Variants in SLCO1B3 observed in about 807,000 individuals in gnomAD.
SLCO1B3 encodes liver-specific organic anion transporter 2.
A neutral mutation model predicts 71.8 loss-of-function variants in SLCO1B3; 72 were observed. The observed-to-expected ratio is 1.00, with a 90% confidence interval of 0.83 to 1.22. The LOEUF (loss-of-function observed/expected upper bound fraction) is 1.22, where lower values mean the gene tolerates loss of function less well. Among genes scored for constraint, SLCO1B3 ranks in the 50% most tolerant of loss-of-function variants. SLCO1B3 has a pLI of 0.00. For missense variants in SLCO1B3, 911 were observed against 819.7 expected (o/e 1.11, Z -1.36); for synonymous variants, 298 against 278.4 (o/e 1.07, Z -0.70).
chr12:20,873,121 C>G (rs143287038), intron 8 of SLCO1B3, among the ~76,000 whole-genome samples: 2 of 152,176 alleles, frequency 1.3e-5, no homozygotes, highest in African/African-American at 4.8e-5. Context: ...CTTACCTCAT[C>G]ACTCTGCTTA....
intron 1 of SLCO1B3, among the ~76,000 whole-genome samples, chr12:20,811,905 A>AT (rs11292391): frequency 0.023 from 2,685 of 114,790 alleles, 66 homozygotes; most frequent in Middle Eastern, 0.065. Context: ...TACTTGATAC[A>AT]TTTTTTTTTT....
chr12:20,847,442 G>A (rs191455546), intron 3 of SLCO1B3, among the ~76,000 whole-genome samples: 6 of 152,208 alleles, frequency 3.9e-5, no homozygotes, highest in Non-Finnish European at 5.9e-5. Context: ...GTGAGGGTAC[G>A]AGTAGAAGCT....
chr12:20,902,221 T>C (rs1034964139), intron 15 of SLCO1B3: 9 of 168,530 alleles, frequency 5.3e-5, no homozygotes, highest in Non-Finnish European at 1.1e-4. Flanking sequence ...AATTCTGTTT[T>C]ATGTTCTTTG....
At chr12:20,888,703 C>T (rs1865839249) in intron 13 of SLCO1B3, among the ~76,000 whole-genome samples, 1 of 151,832 alleles carries the variant, frequency 6.6e-6, no homozygotes, top group African/African-American at 2.4e-5. Context: ...ATGATTGTTC[C>T]TGATAGGACT....
chr12:20,893,722 A>G (rs978747635), intron 13 of SLCO1B3, among the ~76,000 whole-genome samples: 1 of 152,162 alleles, frequency 6.6e-6, no homozygotes, highest in African/African-American at 2.4e-5. Flanking sequence ...AAAGGGTTTG[A>G]GTAATGGAAA....
chr12:20,857,620 C>G (rs985784697), intron 4 of SLCO1B3, among the ~76,000 whole-genome samples: 2 of 151,950 alleles, frequency 1.3e-5, no homozygotes, highest in Non-Finnish European at 1.5e-5. Context: ...CATTTTACCT[C>G]TAAATATACT....
At chr12:20,836,631 T>C (rs997534750) in intron 3 of SLCO1B3, among the ~76,000 whole-genome samples, 5 of 152,050 alleles carry the variant, frequency 3.3e-5, no homozygotes, top group Non-Finnish European at 5.9e-5. Flanking sequence ...GCCTCATTCT[T>C]TCTGTTTTTT....
intron 15 of SLCO1B3, among the ~76,000 whole-genome samples, chr12:20,912,400 C>T (rs532815556): frequency 2.4e-3 from 367 of 151,102 alleles, no homozygotes; most frequent in African/African-American, 8.6e-3. Flanking sequence ...TACGATGTCA[C>T]TCACTGCAAC....
intron 15 of SLCO1B3, among the ~76,000 whole-genome samples, chr12:20,915,489 A>G (rs942526937): frequency 1.3e-5 from 2 of 152,066 alleles, no homozygotes; most frequent in East Asian, 1.9e-4. Flanking sequence ...TTCTTTTCAG[A>G]CTGTGTTTAT....
At position 20,898,448 on chromosome 12, in the gene SLCO1B3, T is replaced by C. The variant is rs1376371787; in HGVS notation, c.1695T>C (p.Pro565=). ...FILLTVKIVQ[P]ELKALAMGFQ... is the part of the protein sequence containing the mutation. Reference sequence around the variant, plus strand: ...TATCATATTTCAGGATTGTTCAACCTGAATTGAAAGCACTTGCAATGGGTT... The same window carrying C: ...TATCATATTTCAGGATTGTTCAACCCGAATTGAAAGCACTTGCAATGGGTT... Residue 565 remains proline (P), a synonymous_variant, in exon 14 of 16, where the codon CCT becomes CCC. Coordinates refer to ENST00000381545, the MANE Select transcript of SLCO1B3 (RefSeq NM_019844.4). 5 of 1,597,398 alleles carry C rather than the reference T, an allele frequency of 3.1e-6. No individual in the cohort carries two copies. The East Asian group carries it at 1.1e-4, about 36-fold the overall frequency.
At chr12:20,898,340 A>T in intron 13 of SLCO1B3, 96 bp from the exon 14 acceptor site, 1 of 775,684 alleles carries the variant, frequency 1.3e-6, no homozygotes, top group Non-Finnish European at 2.3e-6. Context: ...TATTCATTCT[A>T]CCAGGGAGAG....
chr12:20,845,626 A>ATTTGTT (rs59457898), intron 3 of SLCO1B3, among the ~76,000 whole-genome samples: 1 of 151,352 alleles, frequency 6.6e-6, no homozygotes, highest in African/African-American at 2.4e-5. Context: ...AAAAATTGAG[A>ATTTGTT]TTTGTGATGT....
At chr12:20,855,462 C>T (rs1031596623) in intron 4 of SLCO1B3, among the ~76,000 whole-genome samples, 1 of 122,492 alleles carries the variant, frequency 8.2e-6, no homozygotes, top group Non-Finnish European at 2.0e-5. Context: ...TGTTGAAAAA[C>T]TCTGGTCCTA....
intron 8 of SLCO1B3, among the ~76,000 whole-genome samples, chr12:20,868,824 G>A (rs796714656): frequency 8.5e-5 from 13 of 152,254 alleles, no homozygotes; most frequent in African/African-American, 3.1e-4. Context: ...GTAAGGTCAC[G>A]TGGATCACAT....
rs564235948 is a variant in SLCO1B3, at chr12:20,898,467, A to G, written c.1714A>G (p.Met572Val). The stretch of plus-strand genomic sequence containing the variant: ...TCAACCTGAATTGAAAGCACTTGCA[A>G]TGGGTTTCCAGTCAATGGTTATAAG... ...IVQPELKALA[M>V]GFQSMVIRTL... Residue 572 changes from methionine (M) to valine (V), a missense_variant, in exon 14 of 16, where the codon ATG becomes GTG. Coordinates refer to ENST00000381545, the MANE Select transcript of SLCO1B3 (RefSeq NM_019844.4). 674 of 1,597,906 alleles carry G rather than the reference A, an allele frequency of 4.2e-4. 4 individuals are homozygous for G. In the South Asian group the frequency reaches 7.2e-3, roughly 17 times the overall value.
In SLCO1B3 at chr12:20,901,375, T is replaced by G; in HGVS notation, c.1773T>G (p.Phe591Leu). 1 of 1,585,914 alleles carries G rather than the reference T, an allele frequency of 6.3e-7. No homozygotes were observed. Among genetic ancestry groups the G allele is most frequent in the African/African-American group, 1.4e-5 (1 of 73,714 alleles). Reference sequence around the variant, plus strand: ...GAGGAATTCTAGCTCCAATATATTTTGGGGCTCTGATTGATAAAACATGTA... The same window carrying G: ...GAGGAATTCTAGCTCCAATATATTTGGGGGCTCTGATTGATAAAACATGTA... ...TLGGILAPIY[F>L]GALIDKTCMK... is the part of the protein sequence containing the mutation. Residue 591 changes from phenylalanine (F) to leucine (L), a missense_variant, in exon 15 of 16, where the codon TTT becomes TTG. Phe to Leu is a conservative substitution (Grantham distance 22). Transcript: ENST00000381545.
chr12:20,846,906 A>G (rs1864930996), intron 3 of SLCO1B3, among the ~76,000 whole-genome samples: 1 of 152,078 alleles, frequency 6.6e-6, no homozygotes, highest in Admixed American at 6.6e-5. Context: ...TCTTATCTCG[A>G]TGCCAGTTGT....
At chr12:20,892,972 A>T (rs1419138472) in intron 13 of SLCO1B3, among the ~76,000 whole-genome samples, 1 of 152,168 alleles carries the variant, frequency 6.6e-6, no homozygotes, top group Non-Finnish European at 1.5e-5. Flanking sequence ...GATGGACAAA[A>T]ATTTACAGAA....
chr12:20,820,439 T>C (rs1157211275), intron 3 of SLCO1B3, among the ~76,000 whole-genome samples: 1 of 152,138 alleles, frequency 6.6e-6, no homozygotes. Flanking sequence ...TTACTTGGCC[T>C]GGTGGTCAGA....
Sources: gnomAD v4.1 joint callset for allele counts (sites outside exome capture counted in the v4.1 genomes callset) on GRCh38, gnomAD v4.1.1 for gene constraint, MANE v1.5 for transcripts, NCBI Gene and HGNC (gene_info 2026-07-23, HGNC 2026-07-21) for gene names.